FGF13: variants seen among roughly 807,000 people sequenced by gnomAD.
The protein encoded by FGF13 is fibroblast growth factor homologous factor 2.
Under a neutral mutation model 19.5 loss-of-function variants are expected in FGF13, and 2 were observed. The ratio of observed to expected loss-of-function variants is 0.10; its 90% CI spans 0.04 to 0.32. The LOEUF (loss-of-function observed/expected upper bound fraction) is 0.32, where lower values mean the gene tolerates loss of function less well. FGF13 is among the 10% of genes least tolerant of loss of function. The pLI is 1.00. For missense variants in FGF13, 113 were observed against 192.7 expected (o/e 0.59, Z 2.45); for synonymous variants, 72 against 76.9 (o/e 0.94, Z 0.33).
chrX:138,919,645 C>A (rs1458563986), intron 1 of FGF13, among the ~76,000 whole-genome samples: 10 of 111,399 alleles, frequency 9.0e-5, no homozygotes, highest in Admixed American at 4.8e-4. Flanking sequence ...TTTCTTTTAT[C>A]TAGTACTTGT....
chrX:138,663,233 G>A (rs1017325313), intron 3 of FGF13, among the ~76,000 whole-genome samples: 13 of 111,583 alleles, frequency 1.2e-4, no homozygotes, highest in Non-Finnish European at 2.5e-4. Context: ...TTTTGCTTAG[G>A]TGAATATTGA....
At chrX:138,915,278 G>A (rs1292284441) in intron 1 of FGF13, among the ~76,000 whole-genome samples, 1 of 111,842 alleles carries the variant, frequency 8.9e-6, no homozygotes, top group Admixed American at 9.5e-5. Flanking sequence ...CTGGAACTCA[G>A]ATCCTGTCTC....
At chrX:138,869,431 G>C (rs765614750) in intron 1 of FGF13, among the ~76,000 whole-genome samples, 1 of 112,561 alleles carries the variant, frequency 8.9e-6, no homozygotes, top group Non-Finnish European at 1.9e-5. Flanking sequence ...TACAGGAAGG[G>C]ATGTAGGAGA....
chrX:138,684,315 G>T (rs1038225007), intron 3 of FGF13, among the ~76,000 whole-genome samples: 1 of 111,046 alleles, frequency 9.0e-6, no homozygotes, highest in Admixed American at 9.6e-5. Flanking sequence ...TTTCTAATTC[G>T]GTGTGCCCAT....
At chrX:138,720,987 G>A (rs142239835) in intron 1 of FGF13, among the ~76,000 whole-genome samples, 2,328 of 111,770 alleles carry the variant, frequency 0.021, 38 homozygotes, top group African/African-American at 0.072. Context: ...TAAAGAGATC[G>A]TCTTCTTTTT....
At chrX:138,707,864 G>A in intron 2 of FGF13, among the ~76,000 whole-genome samples, 1 of 112,339 alleles carries the variant, frequency 8.9e-6, no homozygotes, top group Non-Finnish European at 1.9e-5. Flanking sequence ...CATTGCTGTA[G>A]CCATACAACT....
At chrX:138,891,255 A>G (rs2091475620) in intron 1 of FGF13, among the ~76,000 whole-genome samples, 1 of 111,843 alleles carries the variant, frequency 8.9e-6, no homozygotes. Flanking sequence ...ACTGCATTCC[A>G]GCCTGGGCAA....
At chrX:138,988,938 G>A (rs1006592271) in intron 1 of FGF13, among the ~76,000 whole-genome samples, 1 of 111,651 alleles carries the variant, frequency 9.0e-6, no homozygotes, top group African/African-American at 3.3e-5. Flanking sequence ...GAAGATTGCT[G>A]AGAACAGAAA....
rs746599595 is a variant in FGF13 at position 138,734,759 on chromosome X, C to G, written c.28+4483G>C. ...GTTATTTTGGTTATAGCATTCATCA[C>G]AGAGTGTCTGATAGAAGCTAGCTGG... On this transcript the variant is annotated intron_variant, in intron 1 of 4. Transcript: ENST00000305414. Among the ~76,000 whole-genome samples the G allele has an allele frequency of 7.0e-4, 79 of 112,059 alleles. 1 individual carries two copies. The highest frequency in any genetic ancestry group is 2.5e-3 in the African/African-American group (76 of 30,910).
At chrX:138,845,806 T>C (rs1381318636) in intron 3 of FGF13, among the ~76,000 whole-genome samples, 1 of 112,027 alleles carries the variant, frequency 8.9e-6, no homozygotes, top group Non-Finnish European at 1.9e-5. Context: ...TAACATGGAT[T>C]CTAAATGCTA....
chrX:138,923,717 C>T (rs918042835), intron 1 of FGF13, among the ~76,000 whole-genome samples: 15 of 112,080 alleles, frequency 1.3e-4, no homozygotes, highest in Non-Finnish European at 1.7e-4. Flanking sequence ...GATCCAGCCA[C>T]ATGAACCTTC....
intron 3 of FGF13, among the ~76,000 whole-genome samples, chrX:138,835,857 G>A (rs527339043): frequency 1.8e-5 from 2 of 111,280 alleles, no homozygotes; most frequent in South Asian, 7.6e-4. Context: ...GTGGTAACAA[G>A]CTCCCTCAGC....
At chrX:138,926,470 G>A (rs1018548458) in intron 1 of FGF13, among the ~76,000 whole-genome samples, 3 of 111,863 alleles carry the variant, frequency 2.7e-5, no homozygotes, top group Non-Finnish European at 5.6e-5. Context: ...AACAAGGAGT[G>A]CCAGAGTGGG....
Position 139,203,118 on chromosome X carries a change from GT to G in FGF13, c.-113+297del, listed in dbSNP as rs750469249. On this transcript the variant is annotated intron_variant, in intron 1 of 2. Coordinates refer to the FGF13 transcript ENST00000421460. ...TAGAACCGGCAAAGGGTGGGGGGGC[GT>G]CCCCTGCCTTTGCCTTAGTTCTCCC... Among the ~76,000 whole-genome samples, 398 of 112,185 alleles carry G rather than the reference GT, an allele frequency of 3.5e-3. 1 individual carries two copies. The highest frequency in any genetic ancestry group is 0.012 in the African/African-American group (377 of 30,921).
At chrX:138,890,153 T>C (rs1181174456) in intron 1 of FGF13, among the ~76,000 whole-genome samples, 2 of 111,230 alleles carry the variant, frequency 1.8e-5, no homozygotes, top group Non-Finnish European at 3.8e-5. Flanking sequence ...GGTCTCAAAC[T>C]CCTGACCTCA....
At chrX:139,098,547 A>C (rs1000590496) in intron 1 of FGF13, among the ~76,000 whole-genome samples, 2 of 111,580 alleles carry the variant, frequency 1.8e-5, no homozygotes, top group Admixed American at 9.5e-5. Context: ...AATACTACAC[A>C]ACCGTAAAAA....
intron 1 of FGF13, among the ~76,000 whole-genome samples, chrX:138,936,790 AG>A (rs750871928): frequency 8.0e-5 from 9 of 112,296 alleles, no homozygotes; most frequent in Non-Finnish European, 1.3e-4. Flanking sequence ...CTCCAGGGAA[AG>A]CATTAATGTT....
chrX:138,856,670 A>G (rs924917333), downstream of FGF13, among the ~76,000 whole-genome samples: 5 of 112,359 alleles, frequency 4.5e-5, no homozygotes, highest in South Asian at 3.7e-4. Context: ...GGGCTGTTTA[A>G]CAAGTATTAG....
At chrX:139,051,365 T>C (rs1458616812) in intron 1 of FGF13, among the ~76,000 whole-genome samples, 1 of 111,835 alleles carries the variant, frequency 8.9e-6, no homozygotes, top group African/African-American at 3.3e-5. Flanking sequence ...TTGTGTATCC[T>C]AAGTCAGGAT....
Sources: allele counts gnomAD v4.1 joint callset (sites outside exome capture counted in the v4.1 genomes callset), GRCh38; gene constraint gnomAD v4.1.1; transcripts MANE v1.5; gene names NCBI Gene and HGNC (gene_info 2026-07-23, HGNC 2026-07-21).